ASPRV1: variants seen among roughly 807,000 people sequenced by gnomAD.
The protein encoded by ASPRV1 is retroviral-like aspartic protease 1.
A neutral mutation model predicts 11.0 loss-of-function variants in ASPRV1; 7 were observed. That is an observed-to-expected ratio of 0.64 (90% CI 0.36 to 1.20). The LOEUF (loss-of-function observed/expected upper bound fraction) is 1.20, where lower values mean the gene tolerates loss of function less well. ASPRV1 is among the 50% of genes most tolerant of loss of function. The pLI, the probability that ASPRV1 is intolerant of heterozygous loss-of-function variation, is 0.02. For synonymous variants in ASPRV1, 136 were observed against 138.4 expected (o/e 0.98, Z 0.12); for missense variants, 299 against 320.0 (o/e 0.93, Z 0.50).
At chr2:70,048,732 A>C in the ASPRV1 span, 6 of 152,476 alleles carry the variant, frequency 3.9e-5, no homozygotes, top group Admixed American at 2.6e-4. Flanking sequence ...TTAGGAAGCT[A>C]CAAGTTTGAA....
At chr2:69,995,985 G>C in the ASPRV1 span, among the ~76,000 whole-genome samples, 8 of 152,082 alleles carry the variant, frequency 5.3e-5, no homozygotes, top group African/African-American at 1.9e-4. Context: ...GGGAGCACTT[G>C]GTAGTGGAGC....
the ASPRV1 span, among the ~76,000 whole-genome samples, chr2:70,060,627 C>G: frequency 6.6e-6 from 1 of 151,488 alleles, no homozygotes; most frequent in Admixed American, 6.6e-5. Context: ...AGCCTGACCA[C>G]CACGGTGAAA....
At chr2:70,074,717 A>G in the ASPRV1 span, among the ~76,000 whole-genome samples, 1 of 151,928 alleles carries the variant, frequency 6.6e-6, no homozygotes, top group Non-Finnish European at 1.5e-5. Context: ...CATTTTTCAT[A>G]TGAGAAAAAC....
At chr2:70,080,248 GA>G in the ASPRV1 span, among the ~76,000 whole-genome samples, 7 of 149,254 alleles carry the variant, frequency 4.7e-5, no homozygotes, top group Non-Finnish European at 7.4e-5. Context: ...TTTTTTTTGA[GA>G]CAGTTTCACT....
chr2:70,037,477 C>G, the ASPRV1 span, among the ~76,000 whole-genome samples: 1 of 152,170 alleles, frequency 6.6e-6, no homozygotes, highest in East Asian at 1.9e-4. Context: ...CAGGTGTGCA[C>G]CACCACTCCT....
At chr2:69,955,453 T>C (rs1446494979), downstream of ASPRV1, among the ~76,000 whole-genome samples, 1 of 152,206 alleles carries the variant, frequency 6.6e-6, no homozygotes, top group Non-Finnish European at 1.5e-5. Flanking sequence ...TTGCTGCCAA[T>C]GGCCACCCAC....
At chr2:69,990,661 C>T in the ASPRV1 span, among the ~76,000 whole-genome samples, 2 of 151,710 alleles carry the variant, frequency 1.3e-5, no homozygotes, top group Admixed American at 6.6e-5. Flanking sequence ...TACTATGTTG[C>T]CCAGGCTGGT....
At chr2:69,935,606 T>C in the ASPRV1 span, 1 of 645,860 alleles carries the variant, frequency 1.5e-6, no homozygotes, top group Non-Finnish European at 2.9e-6. Context: ...AAATGCAACA[T>C]ATTCAAAACC....
the ASPRV1 span, among the ~76,000 whole-genome samples, chr2:69,936,526 A>G: frequency 5.9e-5 from 9 of 152,312 alleles, no homozygotes; most frequent in East Asian, 1.4e-3. Context: ...GACAAATGTT[A>G]CTTTAATTAT....
At chr2:70,052,534 A>G in the ASPRV1 span, among the ~76,000 whole-genome samples, 1 of 152,156 alleles carries the variant, frequency 6.6e-6, no homozygotes, top group African/African-American at 2.4e-5. Flanking sequence ...TAAGCAGCGT[A>G]TCTGTTCACG....
the ASPRV1 span, among the ~76,000 whole-genome samples, chr2:70,034,110 G>C: frequency 2.9e-5 from 4 of 138,816 alleles, no homozygotes; most frequent in African/African-American, 5.5e-5. Context: ...AGCCGAGATC[G>C]TGCCACTGCA....
chr2:69,989,136 CCA>C, the ASPRV1 span, among the ~76,000 whole-genome samples: 1 of 152,192 alleles, frequency 6.6e-6, no homozygotes, highest in Non-Finnish European at 1.5e-5. Context: ...CACAGCCCCG[CCA>C]CACTTCTCCC....
the ASPRV1 span, chr2:70,085,989 T>C: frequency 6.6e-6 from 1 of 152,214 alleles, no homozygotes; most frequent in Non-Finnish European, 1.5e-5. Context: ...AATTATCCCT[T>C]GATACTGCCC....
chr2:70,082,918 A>T, the ASPRV1 span, among the ~76,000 whole-genome samples: 114 of 152,214 alleles, frequency 7.5e-4, 1 homozygote, highest in South Asian at 0.012. Flanking sequence ...AATTAAAAAT[A>T]AAAAAATTAA....
At chr2:70,083,832 C>G in the ASPRV1 span, 1 of 152,182 alleles carries the variant, frequency 6.6e-6, no homozygotes, top group Non-Finnish European at 1.5e-5. Context: ...CATTTAATCT[C>G]TTGCTTTATA....
chr2:70,048,990 T>C, the ASPRV1 span: 2 of 152,152 alleles, frequency 1.3e-5, no homozygotes, highest in Non-Finnish European at 2.9e-5. Context: ...AACTTGATCA[T>C]ATGTGCAAAG....
At chr2:69,996,477 A>G in the ASPRV1 span, among the ~76,000 whole-genome samples, 1 of 152,128 alleles carries the variant, frequency 6.6e-6, no homozygotes, top group Non-Finnish European at 1.5e-5. Flanking sequence ...TTCAATAGCC[A>G]CATGTGGCCA....
At chr2:70,062,278 C>G in the ASPRV1 span, among the ~76,000 whole-genome samples, 1 of 152,106 alleles carries the variant, frequency 6.6e-6, no homozygotes, top group Admixed American at 6.5e-5. Flanking sequence ...GCACTCCAGC[C>G]TGGGCAACAA....
chr2:70,044,560 G>C, the ASPRV1 span, among the ~76,000 whole-genome samples: 1 of 152,198 alleles, frequency 6.6e-6, no homozygotes, highest in Non-Finnish European at 1.5e-5. Context: ...CGCGGATTCA[G>C]GCGATTCTCC....
Sources: gnomAD v4.1 joint callset for allele counts (sites outside exome capture counted in the v4.1 genomes callset) on GRCh38, gnomAD v4.1.1 for gene constraint, MANE v1.5 for transcripts, NCBI Gene and HGNC (gene_info 2026-07-23, HGNC 2026-07-21) for gene names.